The following KIF26B variants were observed in gnomAD, a reference collection of about 807,000 sequenced individuals.
The protein encoded by KIF26B is kinesin family member 26B.
A neutral mutation model predicts 151.2 loss-of-function variants in KIF26B; 63 were observed. The ratio of observed to expected loss-of-function variants is 0.42; its 90% CI spans 0.34 to 0.51. The LOEUF is 0.51. KIF26B is among the 20% of genes least tolerant of loss of function. The pLI is 0.07. For missense variants in KIF26B, 2,813 were observed against 2,913.6 expected, an observed-to-expected ratio of 0.97 and a Z score of 0.79; for synonymous variants, 1,357 against 1,262.1, an observed-to-expected ratio of 1.08 and a Z score of -1.59.
chr1:245,354,207 T>C (rs1178349278), intron 2 of KIF26B, among the ~76,000 whole-genome samples: 2 of 152,186 alleles, frequency 1.3e-5, no homozygotes, highest in African/African-American at 4.8e-5. Context: ...TCTTTAGAAT[T>C]GTACGAAATT....
chr1:245,444,191 C>G (rs1395821362), intron 4 of KIF26B, among the ~76,000 whole-genome samples: 1 of 126,620 alleles, frequency 7.9e-6, no homozygotes, highest in Non-Finnish European at 1.7e-5. Context: ...TCATCTCCCT[C>G]ACTGTTCACC....
At chr1:245,570,705 C>T (rs142393977) in intron 5 of KIF26B, among the ~76,000 whole-genome samples, 122 of 152,312 alleles carry the variant, frequency 8.0e-4, no homozygotes, top group Non-Finnish European at 1.0e-3. Flanking sequence ...GTTTGCTCTT[C>T]GACTGTGGAC....
chr1:245,299,246 A>G (rs1286470464), intron 2 of KIF26B, among the ~76,000 whole-genome samples: 1 of 151,678 alleles, frequency 6.6e-6, no homozygotes, highest in Non-Finnish European at 1.5e-5. Context: ...AGTCTAGTGC[A>G]GAAAATGAAA....
chr1:245,405,683 G>A (rs1193802005), intron 3 of KIF26B, among the ~76,000 whole-genome samples: 1 of 151,614 alleles, frequency 6.6e-6, no homozygotes, highest in Non-Finnish European at 1.5e-5. Context: ...GCGTGAACTA[G>A]GGGTGTGAAT....
intron 2 of KIF26B, among the ~76,000 whole-genome samples, chr1:245,220,572 A>C (rs1395542236): frequency 6.6e-6 from 1 of 152,202 alleles, no homozygotes; most frequent in Admixed American, 6.5e-5. Flanking sequence ...GGAGTAAGGC[A>C]TGTGACTGTA....
At chr1:245,382,487 A>G (rs1673433523) in intron 3 of KIF26B, among the ~76,000 whole-genome samples, 1 of 152,062 alleles carries the variant, frequency 6.6e-6, no homozygotes, top group Admixed American at 6.6e-5. Context: ...ATTATTCTAA[A>G]AGAAATAAAT....
rs751658390 is a variant in KIF26B, at chr1:245,367,010, C to T, written c.642C>T (p.Tyr214=). Residue 214 remains tyrosine, a synonymous_variant, in exon 3 of 15, where the codon TAC becomes TAT. Coordinates refer to ENST00000407071, the MANE Select transcript of KIF26B (RefSeq NM_018012.4). The surrounding 1 kb of genome is among the most constrained non-coding windows in gnomAD (Gnocchi z 4.2). ...TLEQAAGSEH[Y]DASPCSPPPL... ...AGCAGGCAGCCGGCAGTGAGCACTA[C>T]GACGCCTCGCCCTGCTCCCCGCCAC... The T allele has an allele frequency of 8.1e-6, 13 of 1,612,682 alleles. No individual in the cohort carries two copies. The South Asian group carries it at 8.8e-5, about 11-fold the overall frequency.
At chr1:245,196,521 C>G (rs1669199059) in intron 2 of KIF26B, among the ~76,000 whole-genome samples, 1 of 152,186 alleles carries the variant, frequency 6.6e-6, no homozygotes, top group African/African-American at 2.4e-5. Flanking sequence ...CAAGCCATAT[C>G]CCCTTCATTG....
intron 2 of KIF26B, among the ~76,000 whole-genome samples, chr1:245,172,564 A>C (rs940661366): frequency 6.6e-6 from 1 of 152,158 alleles, no homozygotes; most frequent in Non-Finnish European, 1.5e-5. Context: ...AATGCCAGCA[A>C]TTTAGGAGGC....
In KIF26B at chr1:245,688,761, C is replaced by T. The variant is rs762304111; in HGVS notation, c.5778C>T (p.Gly1926=). The change falls in exon 12 of 15, where the codon GGC becomes GGT. Residue 1926 remains glycine (G), a synonymous_variant. Transcript: ENST00000407071. ...CGAGCGAGAACAGCAGCTCCGTGGG[C>T]GGCAGGTGCCGGAGCCTCAAGACCC... ...DSTSENSSSV[G]GRCRSLKTPK... 405 of 1,598,534 alleles carry T rather than the reference C, an allele frequency of 2.5e-4. No individual in the cohort carries two copies. The highest frequency in any genetic ancestry group is 3.3e-4 in the Non-Finnish European group (386 of 1,170,678).
chr1:245,541,775 AG>A (rs11346321), intron 5 of KIF26B, among the ~76,000 whole-genome samples: 3,904 of 152,166 alleles, frequency 0.026, 177 homozygotes, highest in African/African-American at 0.09. Context: ...GTCTTGCTGA[AG>A]CTCCGGAGCA....
chr1:245,698,181 C>T lies in KIF26B; in HGVS notation c.5900C>T (p.Thr1967Ile). The T allele has an allele frequency of 6.2e-7, 1 of 1,614,078 alleles. No homozygotes were observed. The highest frequency in any genetic ancestry group is 8.5e-7 in the Non-Finnish European group (1 of 1,179,906). Residue 1967 changes from threonine to isoleucine, a missense_variant, in exon 13 of 15, where the codon ACA (threonine) becomes ATA (isoleucine). By Grantham distance (89) the Thr-to-Ile change is moderately conservative. Around this residue, in one of 3 missense-constraint regions of KIF26B, gnomAD observed 2,060 missense variants for 2,088.6 expected, o/e 0.99. Coordinates refer to ENST00000407071, the MANE Select transcript of KIF26B (RefSeq NM_018012.4). This position sits in a 1 kb window ranked among gnomAD's most constrained non-coding sequence, Gnocchi z 4.0. ...SSPVRKPPNS[T>I]GVRWVDGPLR... ...CCTGTGAGAAAACCCCCCAACAGCA[C>T]AGGCGTCCGCTGGGTGGATGGCCCC... is the stretch of plus-strand genomic sequence containing the variant.
At chr1:245,230,280 C>T (rs539189474) in intron 2 of KIF26B, among the ~76,000 whole-genome samples, 5 of 152,010 alleles carry the variant, frequency 3.3e-5, no homozygotes, top group African/African-American at 9.6e-5. Flanking sequence ...CCACCAAAAA[C>T]GATGTTACTT....
chr1:245,679,468 T>G (rs1019104708), intron 10 of KIF26B, among the ~76,000 whole-genome samples: 7 of 127,110 alleles, frequency 5.5e-5, no homozygotes, highest in South Asian at 2.6e-4. Context: ...TTTTTTTTTT[T>G]TTTTTTTTTT....
chr1:245,294,352 T>A (rs1171104072), intron 2 of KIF26B, among the ~76,000 whole-genome samples: 2 of 152,164 alleles, frequency 1.3e-5, no homozygotes, highest in South Asian at 2.1e-4. Flanking sequence ...TACAGGACAA[T>A]CCTTCCACGG....
intron 9 of KIF26B, among the ~76,000 whole-genome samples, chr1:245,641,021 T>C (rs2043886063): frequency 6.6e-6 from 1 of 152,200 alleles, no homozygotes; most frequent in African/African-American, 2.4e-5. Context: ...GCATTTATCA[T>C]AGGCTAGGTC....
rs553441237 is a variant in KIF26B at position 245,621,472 on chromosome 1, A to G, written c.2098+9496A>G. Among the ~76,000 whole-genome samples the G allele has an allele frequency of 2.0e-5, 3 of 152,274 alleles. No individual in the cohort carries two copies. In the South Asian group the frequency reaches 6.2e-4, roughly 32 times the overall value. On this transcript the variant is annotated intron_variant, in intron 9 of 14. Transcript: ENST00000407071. The stretch of plus-strand genomic sequence containing the variant: ...GCTCAGGCGTAGGAGACGTTATTAT[A>G]TTGTTTCCTGTGGGTAGAATAAGGC...
intron 4 of KIF26B, among the ~76,000 whole-genome samples, chr1:245,438,944 G>A (rs1658998632): frequency 6.6e-6 from 1 of 152,158 alleles, no homozygotes; most frequent in Admixed American, 6.5e-5. Context: ...AATGTTTGGG[G>A]GTAATGGATT....
At chr1:245,659,096 T>C (rs564377078) in intron 10 of KIF26B, among the ~76,000 whole-genome samples, 1 of 151,956 alleles carries the variant, frequency 6.6e-6, no homozygotes, top group South Asian at 2.1e-4. Flanking sequence ...ATAGTAGCCA[T>C]GCATAGTGGC....
Sources: gnomAD v4.1 joint callset for allele counts (sites outside exome capture counted in the v4.1 genomes callset) on GRCh38, gnomAD v4.1.1 for gene constraint, gnomAD v4.1.1 regional missense constraint, Gnocchi (gnomAD v3.1) non-coding constraint, MANE v1.5 for transcripts, NCBI Gene and HGNC (gene_info 2026-07-23, HGNC 2026-07-21) for gene names.